PCDH9: variants seen among roughly 807,000 people sequenced by gnomAD.
The protein encoded by PCDH9 is protocadherin 9.
A neutral mutation model predicts 70.6 loss-of-function variants in PCDH9; 24 were observed. The ratio of observed to expected loss-of-function variants is 0.34; its 90% CI spans 0.25 to 0.48. PCDH9 has a LOEUF of 0.48. Ranked by LOEUF, PCDH9 falls within the 20% of genes least tolerant of loss-of-function variation. PCDH9 has a pLI of 0.99. For synonymous variants in PCDH9, 562 were observed against 558.5 expected (o/e 1.01, Z -0.09); for missense variants, 1,281 against 1,503.6 (o/e 0.85, Z 2.45).
In PCDH9 at chr13:66,807,007, T is replaced by A. The variant is rs373048266; in HGVS notation, c.3138+96497A>T. 1.6e-4 allele frequency among the ~76,000 whole-genome samples: 24 copies of A among 152,336 alleles called. 1 individual carries two copies. The East Asian group carries it at 3.7e-3, about 23-fold the overall frequency. On this transcript the variant is annotated intron_variant, in intron 3 of 4. Transcript: ENST00000377865. ...TTGGGAATGATCATAGCAGGCACTT[T>A]ACTGCTACTTTTTCCTAAAAAATGT...
chr13:66,531,637 C>G (rs552976081), intron 4 of PCDH9, among the ~76,000 whole-genome samples: 1 of 152,034 alleles, frequency 6.6e-6, no homozygotes, highest in South Asian at 2.1e-4. Flanking sequence ...CTTTGAACTA[C>G]GCTTTAAATT....
chr13:66,502,752 ATTTG>A (rs900132083), intron 4 of PCDH9, among the ~76,000 whole-genome samples: 2 of 152,204 alleles, frequency 1.3e-5, no homozygotes, highest in African/African-American at 4.8e-5. Flanking sequence ...TTTTAAGTTA[ATTTG>A]TTTAAGTTTT....
intron 4 of PCDH9, among the ~76,000 whole-genome samples, chr13:66,442,845 T>C (rs546842476): frequency 9.2e-5 from 14 of 152,334 alleles, no homozygotes; most frequent in African/African-American, 3.1e-4. Context: ...GGTTTAGTCA[T>C]TGACAAAAAG....
intron 2 of PCDH9, among the ~76,000 whole-genome samples, chr13:67,114,035 G>C (rs1356559906): frequency 6.6e-6 from 1 of 152,108 alleles, no homozygotes; most frequent in Non-Finnish European, 1.5e-5. Flanking sequence ...GCATAACATA[G>C]CTTCATTATA....
chr13:66,809,343 A>G (rs1033957474), intron 3 of PCDH9, among the ~76,000 whole-genome samples: 6 of 152,170 alleles, frequency 3.9e-5, no homozygotes, highest in African/African-American at 1.4e-4. Context: ...TTTATAGAAA[A>G]TTTTGTTTAA....
intron 2 of PCDH9, among the ~76,000 whole-genome samples, chr13:67,008,033 T>C (rs1375535334): frequency 6.6e-6 from 1 of 152,156 alleles, no homozygotes; most frequent in Non-Finnish European, 1.5e-5. Flanking sequence ...ATTTATTATA[T>C]ATATACTGCA....
chr13:66,926,288 AG>A (rs1412092177), intron 2 of PCDH9, among the ~76,000 whole-genome samples: 1 of 152,034 alleles, frequency 6.6e-6, no homozygotes, highest in Non-Finnish European at 1.5e-5. Context: ...GGTACCTCAC[AG>A]TATCTTGTAG....
intron 4 of PCDH9, among the ~76,000 whole-genome samples, chr13:66,408,314 G>A (rs376579000): frequency 3.8e-4 from 58 of 152,332 alleles, no homozygotes; most frequent in East Asian, 1.5e-3. Flanking sequence ...GAAGGGCAGA[G>A]AAGCAGCAGG....
chr13:66,378,770 A>G (rs1014973072), intron 4 of PCDH9, among the ~76,000 whole-genome samples: 1 of 152,238 alleles, frequency 6.6e-6, no homozygotes, highest in Admixed American at 6.5e-5. Flanking sequence ...GAATGTTTAC[A>G]CATAAAAGGA....
intron 4 of PCDH9, among the ~76,000 whole-genome samples, chr13:66,429,888 A>G (rs1957740677): frequency 6.6e-6 from 1 of 152,034 alleles, no homozygotes; most frequent in African/African-American, 2.4e-5. Flanking sequence ...TACAGAGCCT[A>G]TGAAGTGGAA....
At chr13:66,848,481 T>C (rs1291597720) in intron 3 of PCDH9, among the ~76,000 whole-genome samples, 2 of 152,172 alleles carry the variant, frequency 1.3e-5, no homozygotes, top group Non-Finnish European at 2.9e-5. Context: ...AGTAGTATAA[T>C]TTAATTGGTT....
rs149085283 is a variant in PCDH9 at position 66,408,690 on chromosome 13, T to C, written c.3341-103662A>G. Among the ~76,000 whole-genome samples, 40 of 152,242 alleles carry C rather than the reference T, an allele frequency of 2.6e-4. No individual in the cohort carries two copies. In the East Asian group the frequency reaches 6.2e-3, roughly 24 times the overall value. ...TTCTCTTCTTCCTATCCCACACTGC[T>C]TTACCCCACTCTCTCTTTTTGTCCT... On this transcript the variant is annotated intron_variant, in intron 4 of 4. Coordinates refer to ENST00000377865, the MANE Select transcript of PCDH9 (RefSeq NM_203487.3).
intron 2 of PCDH9, among the ~76,000 whole-genome samples, chr13:67,159,743 G>C (rs2087905976): frequency 6.6e-6 from 1 of 152,006 alleles, no homozygotes. Flanking sequence ...TTCAGTAATT[G>C]ACTAAAAAAC....
At chr13:66,877,394 T>G (rs1006575841) in intron 3 of PCDH9, among the ~76,000 whole-genome samples, 16 of 151,732 alleles carry the variant, frequency 1.1e-4, no homozygotes, top group East Asian at 3.8e-4. Flanking sequence ...GTTTTTTTTT[T>G]TTGTTATTAT....
chr13:66,926,596 C>T lies in PCDH9; in HGVS notation c.3037-22991G>A, dbSNP rs565908291. Reference sequence around the variant, plus strand: ...ATAATAACATGGGCATGAGCAGTCTCTCCTGGAAACCATCCAAACAAATTT... The same window carrying T: ...ATAATAACATGGGCATGAGCAGTCTTTCCTGGAAACCATCCAAACAAATTT... On this transcript the variant is annotated intron_variant, in intron 2 of 4. Transcript: ENST00000377865. 3.9e-5 allele frequency among the ~76,000 whole-genome samples: 6 copies of T among 152,136 alleles called. No homozygotes were observed. In the South Asian group the frequency reaches 6.2e-4, roughly 16 times the overall value.
intron 3 of PCDH9, among the ~76,000 whole-genome samples, chr13:66,882,771 T>C (rs983836973): frequency 6.6e-6 from 1 of 152,170 alleles, no homozygotes; most frequent in African/African-American, 2.4e-5. Context: ...AGTCCCTTTA[T>C]AGGAGGATGT....
intron 4 of PCDH9, among the ~76,000 whole-genome samples, chr13:66,373,989 T>C (rs1433344909): frequency 1.3e-5 from 2 of 152,112 alleles, no homozygotes; most frequent in Admixed American, 1.3e-4. Context: ...AAGGCAAATA[T>C]TATTATCATC....
intron 2 of PCDH9, among the ~76,000 whole-genome samples, chr13:67,185,019 C>T (rs9707176): frequency 8.4e-4 from 128 of 152,266 alleles, no homozygotes; most frequent in South Asian, 1.5e-3. Flanking sequence ...AATTGCTTGT[C>T]TACCATTCAT....
chr13:67,109,011 TA>T (rs2086603421), intron 2 of PCDH9, among the ~76,000 whole-genome samples: 1 of 152,222 alleles, frequency 6.6e-6, no homozygotes, highest in African/African-American at 2.4e-5. Context: ...CTTGAAGTGA[TA>T]TAAGTATTCT....
Sources: allele counts gnomAD v4.1 joint callset (sites outside exome capture counted in the v4.1 genomes callset), GRCh38; gene constraint gnomAD v4.1.1; transcripts MANE v1.5; gene names NCBI Gene and HGNC (gene_info 2026-07-23, HGNC 2026-07-21).